The following SH3RF3 variants were observed in gnomAD, a reference collection of about 807,000 sequenced individuals.
SH3RF3 encodes E3 ubiquitin-protein ligase SH3RF3.
A neutral mutation model predicts 66.3 loss-of-function variants in SH3RF3; 29 were observed. The ratio of observed to expected loss-of-function variants is 0.44; its 90% confidence interval spans 0.33 to 0.60. The LOEUF is 0.60. Among genes scored for constraint, SH3RF3 ranks in the 20% least tolerant of loss-of-function variants. The probability of loss-of-function intolerance (pLI) is 0.04; values close to 1 mark genes in which losing one functional copy is unlikely to be tolerated. For missense variants in SH3RF3, 1,194 were observed against 1,190.9 expected, an observed-to-expected ratio of 1.00 and a Z score of -0.04; for synonymous variants, 583 against 532.0, an observed-to-expected ratio of 1.10 and a Z score of -1.32.
intron 1 of SH3RF3, among the ~76,000 whole-genome samples, chr2:109,243,549 C>T (rs2105228820): frequency 6.6e-6 from 1 of 152,228 alleles, no homozygotes; most frequent in East Asian, 1.9e-4. Flanking sequence ...TAATTAACAC[C>T]ATGGGAACCT....
chr2:109,134,820 C>G (rs1676781464), intron 1 of SH3RF3, among the ~76,000 whole-genome samples: 1 of 152,212 alleles, frequency 6.6e-6, no homozygotes, highest in East Asian at 1.9e-4. Flanking sequence ...CTCTTCTATG[C>G]AAGGCTGCTG....
intron 1 of SH3RF3, among the ~76,000 whole-genome samples, chr2:109,218,529 C>G (rs1301488151): frequency 6.6e-6 from 1 of 152,134 alleles, no homozygotes; most frequent in Non-Finnish European, 1.5e-5. Context: ...GTGTGTGGTA[C>G]GGATGCCTTC....
intron 1 of SH3RF3, among the ~76,000 whole-genome samples, chr2:109,306,900 G>A (rs1681610821): frequency 6.6e-6 from 1 of 152,214 alleles, no homozygotes; most frequent in Non-Finnish European, 1.5e-5. Flanking sequence ...GTGTACGGTA[G>A]GGCCGCGGCA....
intron 3 of SH3RF3, among the ~76,000 whole-genome samples, chr2:109,380,843 T>C (rs914497905): frequency 6.6e-6 from 1 of 152,218 alleles, no homozygotes; most frequent in Non-Finnish European, 1.5e-5. Context: ...AAGACCTCGA[T>C]GCTGGAGAGC....
intron 1 of SH3RF3, among the ~76,000 whole-genome samples, chr2:109,249,552 C>T (rs190739781): frequency 1.3e-3 from 163 of 122,460 alleles, no homozygotes; most frequent in Middle Eastern, 4.1e-3. Flanking sequence ...TCCTTCCTTC[C>T]TTCCTTCCTT....
chr2:109,430,478 T>TGTCCTCTCCCC (rs375773970), intron 5 of SH3RF3, among the ~76,000 whole-genome samples: 2 of 151,932 alleles, frequency 1.3e-5, no homozygotes, highest in African/African-American at 4.8e-5. Context: ...TTTCTTCCTC[T>TGTCCTCTCCCC]GTCCTCTCCC....
In SH3RF3 at chr2:109,364,153, A is replaced by G. The variant is rs531685288; in HGVS notation, c.850-7433A>G. On this transcript the variant is annotated intron_variant, in intron 2 of 9. Coordinates refer to ENST00000309415, the MANE Select transcript of SH3RF3 (RefSeq NM_001099289.3). ...TTGTCCTGCAGTTCTTGGATGCTCCATTATGGTTTTTTTTTTTTCTAATTT... is the reference window on the plus strand; with the variant it reads ...TTGTCCTGCAGTTCTTGGATGCTCCGTTATGGTTTTTTTTTTTTCTAATTT... Among the ~76,000 whole-genome samples the G allele has an allele frequency of 6.1e-5, 9 of 147,068 alleles. No homozygotes were observed. In the East Asian group the frequency reaches 1.8e-3, roughly 29 times the overall value.
intron 1 of SH3RF3, among the ~76,000 whole-genome samples, chr2:109,286,515 G>C (rs1447957134): frequency 1.3e-5 from 2 of 152,324 alleles, no homozygotes; most frequent in African/African-American, 2.4e-5. Flanking sequence ...CCTGGGTGCA[G>C]AAGACCAAGT....
intron 8 of SH3RF3, among the ~76,000 whole-genome samples, chr2:109,477,274 TC>T (rs1454572520): frequency 6.6e-6 from 1 of 152,080 alleles, no homozygotes; most frequent in African/African-American, 2.4e-5. Context: ...GGGAAGTCAC[TC>T]CCCGTTCCTG....
intron 8 of SH3RF3, among the ~76,000 whole-genome samples, chr2:109,465,647 GT>G (rs1678321620): frequency 6.6e-6 from 1 of 152,174 alleles, no homozygotes; most frequent in Non-Finnish European, 1.5e-5. Context: ...AAGAAAAGAG[GT>G]TTAATTGGTT....
chr2:109,290,066 C>T (rs1681127825), intron 1 of SH3RF3, among the ~76,000 whole-genome samples: 1 of 152,176 alleles, frequency 6.6e-6, no homozygotes, highest in African/African-American at 2.4e-5. Context: ...CAGGATTAAC[C>T]AAGGAATCTC....
intron 1 of SH3RF3, among the ~76,000 whole-genome samples, chr2:109,203,297 T>G (rs951937332): frequency 2.0e-5 from 3 of 152,170 alleles, no homozygotes; most frequent in African/African-American, 4.8e-5. Context: ...TACAGGTGGC[T>G]CTCTCAGGTG....
At chr2:109,180,027 T>G (rs1262459369) in intron 1 of SH3RF3, among the ~76,000 whole-genome samples, 4 of 151,938 alleles carry the variant, frequency 2.6e-5, no homozygotes, top group Non-Finnish European at 4.4e-5. Flanking sequence ...TTACCTCAAG[T>G]GGTGGGATCT....
chr2:109,388,887 G>T (rs1675903868), intron 3 of SH3RF3, among the ~76,000 whole-genome samples: 1 of 152,156 alleles, frequency 6.6e-6, no homozygotes, highest in African/African-American at 2.4e-5. Flanking sequence ...CTTGCCACCT[G>T]GAGGCTTTCT....
At chr2:109,461,705 G>A (rs1028017118) in intron 8 of SH3RF3, among the ~76,000 whole-genome samples, 11 of 152,034 alleles carry the variant, frequency 7.2e-5, no homozygotes, top group African/African-American at 2.4e-4. Flanking sequence ...GAGGCCCCAC[G>A]TAGCATCCCT....
At chr2:109,238,097 A>G (rs10168076) in intron 1 of SH3RF3, among the ~76,000 whole-genome samples, 112,523 of 152,188 alleles carry the variant, frequency 0.74, 42,177 homozygotes, top group East Asian at 0.89. Flanking sequence ...TCCCAGGTGG[A>G]GCTGAGGCAG....
In SH3RF3 at chr2:109,372,839, G is replaced by A. The variant is rs115619141; in HGVS notation, c.945+1158G>A. ...TTCAGAGTTGGCACCGAAAGCCCACGGGTGACACGGCCAGCTTTGCCACAC... is the reference window on the plus strand; with the variant it reads ...TTCAGAGTTGGCACCGAAAGCCCACAGGTGACACGGCCAGCTTTGCCACAC... On this transcript the variant is annotated intron_variant, in intron 3 of 9. Coordinates refer to ENST00000309415, the MANE Select transcript of SH3RF3 (RefSeq NM_001099289.3). Among the ~76,000 whole-genome samples the A allele has an allele frequency of 7.4e-3, 1,133 of 152,290 alleles. 15 individuals carry two copies. The highest frequency in any genetic ancestry group is 0.026 in the African/African-American group (1,083 of 41,558).
rs539258961 is a variant in SH3RF3 at position 109,498,668 on chromosome 2, G to C, written c.2481-2835G>C. 6.8e-4 allele frequency among the ~76,000 whole-genome samples: 104 copies of C among 152,328 alleles called. 1 individual carries two copies. Among genetic ancestry groups the C allele is most frequent in the African/African-American group, 2.5e-3 (102 of 41,582 alleles). ...ATTCCCCCTAAGTAGTATCAAGTAGGTCCAGGATGGGCCCAGGGAACTGTG... is the reference window on the plus strand; with the variant it reads ...ATTCCCCCTAAGTAGTATCAAGTAGCTCCAGGATGGGCCCAGGGAACTGTG... On this transcript the variant is annotated intron_variant, in intron 9 of 9. Transcript: ENST00000309415.
chr2:109,293,854 C>G (rs1448009461), intron 1 of SH3RF3, among the ~76,000 whole-genome samples: 4 of 152,206 alleles, frequency 2.6e-5, no homozygotes, highest in African/African-American at 9.7e-5. Context: ...GTGTCTTGCT[C>G]CTCTACCTCA....
Sources: allele counts gnomAD v4.1 joint callset (sites outside exome capture counted in the v4.1 genomes callset), GRCh38; gene constraint gnomAD v4.1.1; transcripts MANE v1.5; gene names NCBI Gene and HGNC (gene_info 2026-07-23, HGNC 2026-07-21).